Variants in PRDM10 observed in about 807,000 individuals in gnomAD.
The protein encoded by PRDM10 is PR domain zinc finger protein 10.
A neutral mutation model predicts 133.1 loss-of-function variants in PRDM10; 65 were observed. That is an observed-to-expected ratio of 0.49 (90% CI 0.40 to 0.60). The LOEUF (loss-of-function observed/expected upper bound fraction) is 0.60. Ranked by LOEUF, PRDM10 falls within the 20% of genes least tolerant of loss-of-function variation. PRDM10 has a pLI of 0.00. For missense variants in PRDM10, 1,137 were observed against 1,507.1 expected (o/e 0.75, Z 4.07); for synonymous variants, 582 against 580.4 (o/e 1.00, Z -0.04).
intron 20 of PRDM10, among the ~76,000 whole-genome samples, chr11:129,903,541 A>G (rs1206990424): frequency 1.3e-5 from 2 of 152,162 alleles, no homozygotes; most frequent in East Asian, 3.8e-4. Context: ...CGTCTTCGTG[A>G]CGTTCAGCCT....
intron 17 of PRDM10, among the ~76,000 whole-genome samples, chr11:129,914,308 T>C (rs1049677364): frequency 4.6e-5 from 7 of 152,126 alleles, no homozygotes; most frequent in Non-Finnish European, 8.8e-5. Context: ...CAGCCATCAA[T>C]ATTATGCTTT....
chr11:129,993,253 GA>G (rs1338676569), intron 1 of PRDM10, among the ~76,000 whole-genome samples: 1 of 152,134 alleles, frequency 6.6e-6, no homozygotes, highest in Non-Finnish European at 1.5e-5. Context: ...GGCTGTTCAA[GA>G]CTTTTGCCCA....
chr11:129,936,470 A>G (rs11221904), intron 8 of PRDM10, among the ~76,000 whole-genome samples: 7,509 of 152,054 alleles, frequency 0.049, 537 homozygotes, highest in African/African-American at 0.16. Context: ...TGGCTAACAC[A>G]GTGAAACCCT....
At chr11:129,905,615 C>T in intron 20 of PRDM10, 23 bp downstream of exon 20, 2 of 1,593,474 alleles carry the variant, frequency 1.3e-6, no homozygotes. Flanking sequence ...ACAGGAAAAA[C>T]CCGACCGAGT....
Position 129,918,744 on chromosome 11 carries a change from G to C in PRDM10, c.2035-26C>G, listed in dbSNP as rs963752314. ...CTATTTGGAGAGTATTTTTGAAAAC[G>C]GGGTAGACACGGGGGTAGAAAATTT... On this transcript the variant is annotated intron_variant, in intron 13 of 20. Coordinates refer to ENST00000360871, the MANE Select transcript of PRDM10 (RefSeq NM_199437.2). This position sits in a 1 kb window ranked among gnomAD's most constrained non-coding sequence, Gnocchi z 5.3. 3 of 1,585,368 alleles carry C rather than the reference G, an allele frequency of 1.9e-6. No homozygotes were observed. The highest frequency in any genetic ancestry group is 2.6e-6 in the Non-Finnish European group (3 of 1,162,128).
At chr11:129,986,017 G>A (rs983821679) in intron 1 of PRDM10, among the ~76,000 whole-genome samples, 2 of 151,748 alleles carry the variant, frequency 1.3e-5, no homozygotes, top group South Asian at 2.1e-4. Flanking sequence ...TGTTGGGCTC[G>A]TGGTGGATTA....
chr11:129,931,408 A>T, intron 10 of PRDM10, 150 bp from the exon 11 acceptor site: 1 of 1,041,248 alleles, frequency 9.6e-7, no homozygotes, highest in Admixed American at 3.0e-5. Context: ...AACTATGCAC[A>T]GAAGGCAAAA....
chr11:129,924,215 A>G (rs1422200285), intron 12 of PRDM10, among the ~76,000 whole-genome samples: 4 of 152,080 alleles, frequency 2.6e-5, no homozygotes, highest in Non-Finnish European at 4.4e-5. Flanking sequence ...AATTTCCAAG[A>G]CTCTCAACAC....
At chr11:129,905,208 A>G (rs779316559) in intron 20 of PRDM10, among the ~76,000 whole-genome samples, 4 of 152,052 alleles carry the variant, frequency 2.6e-5, no homozygotes, top group Non-Finnish European at 5.9e-5. Context: ...CTAAAAATAC[A>G]AAAATCAGTT....
chr11:129,915,877 C>T lies in PRDM10; in HGVS notation c.2326-17G>A. On this transcript the variant is annotated splice_polypyrimidine_tract_variant and intron_variant, in intron 15 of 20. Transcript: ENST00000360871. Reference sequence around the variant, plus strand: ...TTTATAAACCTGCAAATGTAAGCGCCTTGCCATGAAAGCAGTATACAGTTC... The same window carrying T: ...TTTATAAACCTGCAAATGTAAGCGCTTTGCCATGAAAGCAGTATACAGTTC... 1 of 1,609,504 alleles carries T rather than the reference C, an allele frequency of 6.2e-7. No homozygotes were observed. The highest frequency in any genetic ancestry group is 8.5e-7 in the Non-Finnish European group (1 of 1,177,740).
intron 11 of PRDM10, among the ~76,000 whole-genome samples, chr11:129,925,798 C>CT (rs1015888578): frequency 1.3e-5 from 2 of 152,266 alleles, no homozygotes; most frequent in Non-Finnish European, 2.9e-5. Context: ...TACCAGGTTT[C>CT]TTTTGGGGGT....
intron 7 of PRDM10, among the ~76,000 whole-genome samples, chr11:129,941,907 C>A (rs1951220552): frequency 6.6e-6 from 1 of 152,140 alleles, no homozygotes; most frequent in African/African-American, 2.4e-5. Flanking sequence ...GGTAGAGGAG[C>A]ATCTGTACTG....
chr11:129,967,175 G>A (rs1401442145), intron 1 of PRDM10, among the ~76,000 whole-genome samples: 2 of 152,152 alleles, frequency 1.3e-5, no homozygotes, highest in Admixed American at 6.5e-5. Context: ...TGGATCACGA[G>A]GTCAGGAGTT....
chr11:129,985,839 T>C (rs1240678752), intron 1 of PRDM10, among the ~76,000 whole-genome samples: 2 of 124,388 alleles, frequency 1.6e-5, no homozygotes, highest in African/African-American at 2.9e-5. Context: ...TATATGTATA[T>C]ATAGTAATAA....
chr11:129,942,402 A>G (rs1426064745), intron 7 of PRDM10, 24 bp downstream of exon 7: 1 of 1,597,322 alleles, frequency 6.3e-7, no homozygotes, highest in African/African-American at 1.3e-5. Context: ...AGCAAATAGC[A>G]GCACGGGTCA....
chr11:129,991,529 C>CA (rs1297785754), intron 1 of PRDM10, among the ~76,000 whole-genome samples: 1 of 151,994 alleles, frequency 6.6e-6, no homozygotes, highest in African/African-American at 2.4e-5. Flanking sequence ...ACTAAAAATA[C>CA]AAAAATTAGC....
chr11:129,988,666 G>A (rs1938559052), intron 1 of PRDM10, among the ~76,000 whole-genome samples: 2 of 151,200 alleles, frequency 1.3e-5, no homozygotes, highest in Non-Finnish European at 1.5e-5. Flanking sequence ...ATCTCGCTCT[G>A]TTGCCTGGGC....
chr11:129,928,335 T>C (rs1013891409), intron 11 of PRDM10, among the ~76,000 whole-genome samples: 1 of 152,148 alleles, frequency 6.6e-6, no homozygotes, highest in African/African-American at 2.4e-5. Context: ...AATTTTCATA[T>C]TATTTTAATC....
chr11:129,988,017 T>C (rs754614004), intron 1 of PRDM10, among the ~76,000 whole-genome samples: 26 of 151,758 alleles, frequency 1.7e-4, no homozygotes, highest in Non-Finnish European at 3.4e-4. Context: ...AAAAAAGGAA[T>C]GAAGAACTGG....
Sources: allele counts gnomAD v4.1 joint callset (sites outside exome capture counted in the v4.1 genomes callset), GRCh38; gene constraint gnomAD v4.1.1; non-coding constraint Gnocchi (gnomAD v3.1); transcripts MANE v1.5; gene names NCBI Gene and HGNC (gene_info 2026-07-23, HGNC 2026-07-21).